The following ERCC2 variants were observed in gnomAD, a reference collection of about 807,000 sequenced individuals.
ERCC2 encodes general transcription and DNA repair factor IIH helicase subunit XPD.
A neutral mutation model predicts 99.4 loss-of-function variants in ERCC2; 90 were observed. The observed-to-expected ratio is 0.91, with a 90% CI of 0.76 to 1.08. The LOEUF is 1.08. Among genes scored for constraint, ERCC2 ranks in the 50% least tolerant of loss-of-function variants. ERCC2 has a pLI of 0.00. For synonymous variants in ERCC2, 497 were observed against 432.4 expected (o/e 1.15, Z -1.85); for missense variants, 993 against 1,038.1 (o/e 0.96, Z 0.60).
At chr19:45,370,108 CG>C (rs1568546751) in intron 2 of ERCC2, 24 bp downstream of exon 2, 2 of 1,610,268 alleles carry the variant, frequency 1.2e-6, no homozygotes, top group Admixed American at 1.7e-5. Context: ...GTCGAGTGGG[CG>C]GGTCGGGCCC....
Position 45,364,080 on chromosome 19 carries a change from G to A in ERCC2, c.855C>T (p.Tyr285=). 1 of 1,597,810 alleles carries A rather than the reference G, an allele frequency of 6.3e-7. No individual in the cohort carries two copies. Among genetic ancestry groups the A allele is most frequent in the East Asian group, 2.3e-5 (1 of 44,060 alleles). ...ETDEQRLRDE[Y]RRLVEGLREA... ...CCCGCAGCCCCTCCACCAGACGCCG[G>A]TACTCGTCCCGCAGGCGCTGCTCGT... The change falls in exon 10 of 23, where the codon TAC becomes TAT. Residue 285 remains tyrosine, a synonymous_variant. Transcript: ENST00000391945.
In ERCC2 at chr19:45,367,366, TATACACACACAC is replaced by T. The variant is rs1310344167; in HGVS notation, c.360+1252_360+1263del. On this transcript the variant is annotated intron_variant, in intron 5 of 22. Transcript: ENST00000391945. Reference sequence around the variant, plus strand: ...AAAACAAAACAAAAATATATATATATATACACACACACACACACACACACACACACACACATA... The same window carrying T: ...AAAACAAAACAAAAATATATATATATACACACACACACACACACACACATA... 2.6e-4 allele frequency among the ~76,000 whole-genome samples: 24 copies of T among 90,736 alleles called. No homozygotes were observed. In the East Asian group the frequency reaches 6.9e-3, roughly 26 times the overall value. The allele number at this position is 90,736 out of a possible 152,430, so 59.5% of individuals were successfully genotyped here.
rs1599744380 is a variant in ERCC2 at position 45,364,549 on chromosome 19, T to C, written c.595-2A>G. ...AACCACCACATTGGCATGCAGGATC[T>C]GGGGGGCCGGGGAGCAGGGTTACCA... On this transcript the variant is annotated splice_acceptor_variant, in intron 7 of 22. Transcript: ENST00000391945. LOFTEE classifies it high-confidence loss of function. 6.2e-7 allele frequency: 1 copy of C among 1,612,630 alleles called. No homozygotes were observed. The highest frequency in any genetic ancestry group is 8.5e-7 in the Non-Finnish European group (1 of 1,179,960).
Position 45,369,321 on chromosome 19 carries a change from T to C in ERCC2, c.106-174A>G, listed in dbSNP as rs530210210. ...TCACTTCTGCCTCCTCCTTGTTGAG[T>C]GGTCTTAGGCAAGTACCTTCACCTC... On this transcript the variant is annotated intron_variant, in intron 2 of 22. Coordinates refer to ENST00000391945, the MANE Select transcript of ERCC2 (RefSeq NM_000400.4). Among the ~76,000 whole-genome samples, 65 of 152,086 alleles carry C rather than the reference T, an allele frequency of 4.3e-4. 1 individual carries two copies. Among genetic ancestry groups the C allele is most frequent in the Non-Finnish European group, 7.4e-4 (50 of 68,024 alleles).
At chr19:45,353,500 A>T (rs1971901980) in intron 17 of ERCC2, among the ~76,000 whole-genome samples, 166 bp from the exon 18 acceptor site, 1 of 152,122 alleles carries the variant, frequency 6.6e-6, no homozygotes, top group Non-Finnish European at 1.5e-5. Context: ...CTTTGGGGAA[A>T]CAGTGATCTG....
At chr19:45,351,960 G>A (rs1226935728) in intron 22 of ERCC2, among the ~76,000 whole-genome samples, 3 of 152,210 alleles carry the variant, frequency 2.0e-5, no homozygotes, top group African/African-American at 4.8e-5. Context: ...CGTCTCTCCT[G>A]AAAACGCCCA....
intron 15 of ERCC2, among the ~76,000 whole-genome samples, 153 bp from the exon 16 acceptor site, chr19:45,355,881 C>G (rs1424483415): frequency 6.6e-6 from 1 of 150,708 alleles, no homozygotes; most frequent in Non-Finnish European, 1.5e-5. Flanking sequence ...TCTTGAACAC[C>G]TGGCCTCAAG....
At position 45,363,156 on chromosome 19, in the gene ERCC2, T is replaced by C. The variant is rs577698928; in HGVS notation, c.1118+587A>G. Among the ~76,000 whole-genome samples the C allele has an allele frequency of 4.6e-5, 7 of 152,290 alleles. No individual in the cohort carries two copies. The South Asian group carries it at 1.4e-3, about 32-fold the overall frequency. The stretch of plus-strand genomic sequence containing the variant: ...AAAGGAAAAGCCCCCTCGTATCCCT[T>C]GGTCATTCTCTGCCTGCCCTGTGCC... On this transcript the variant is annotated intron_variant, in intron 11 of 22. Coordinates refer to ENST00000391945, the MANE Select transcript of ERCC2 (RefSeq NM_000400.4).
At chr19:45,355,777 A>G in intron 15 of ERCC2, 49 bp from the exon 16 acceptor site, 1 of 1,453,616 alleles carries the variant, frequency 6.9e-7, no homozygotes, top group Non-Finnish European at 9.7e-7. Context: ...CAACTGCTCC[A>G]GCGTGAGTGC....
chr19:45,367,341 A>G (rs551666859), intron 5 of ERCC2, among the ~76,000 whole-genome samples: 1 of 136,152 alleles, frequency 7.3e-6, no homozygotes, highest in Non-Finnish European at 1.5e-5. Context: ...TCTCAAAAAC[A>G]AAACAAAACA....
rs375029521 is a variant in ERCC2, at chr19:45,350,342, C to T, written c.*1287G>A. 3.8e-5 allele frequency: 61 copies of T among 1,613,206 alleles called. No individual in the cohort carries two copies. The African/African-American group carries it at 7.8e-4, about 21-fold the overall frequency. ...TCCCAGACACTCCCTTCTCCGCAGG[C>T]CTCAGCCTACCTGAAACAGAACAAG... On this transcript the variant is annotated 3_prime_UTR_variant, in exon 23 of 23. Transcript: ENST00000391945.
At position 45,350,959 on chromosome 19, in the gene ERCC2, A is replaced by G; in HGVS notation, c.*670T>C. 1 of 1,614,106 alleles carries G rather than the reference A, an allele frequency of 6.2e-7. No homozygotes were observed. The highest frequency in any genetic ancestry group is 1.3e-5 in the African/African-American group (1 of 75,022). Reference sequence around the variant, plus strand: ...CCCTGCTGCCCTCTTTGCAGAATGAAGAGAGCCATGTCACTCAACACACTG... The same window carrying G: ...CCCTGCTGCCCTCTTTGCAGAATGAGGAGAGCCATGTCACTCAACACACTG... On this transcript the variant is annotated 3_prime_UTR_variant, in exon 23 of 23. Coordinates refer to ENST00000391945, the MANE Select transcript of ERCC2 (RefSeq NM_000400.4).
chr19:45,361,374 T>C (rs1459325230), intron 12 of ERCC2, 150 bp downstream of exon 12: 11 of 720,584 alleles, frequency 1.5e-5, no homozygotes, highest in Admixed American at 1.1e-4. Flanking sequence ...GAACTATGTA[T>C]GGCTCCCCAC....
At chr19:45,357,812 G>A (rs1972065991) in intron 12 of ERCC2, 113 bp from the exon 13 acceptor site, 2 of 965,724 alleles carry the variant, frequency 2.1e-6, no homozygotes, top group Non-Finnish European at 3.2e-6. Flanking sequence ...ACCCCGTACT[G>A]CCTGGGAGTA....
chr19:45,357,610 C>T lies in ERCC2; in HGVS notation c.1307+20G>A. ...CCCCGACCCACAGAGCATTCACACC[C>T]TCACCGGGCAGGGTCCCACCTGAAG... On this transcript the variant is annotated intron_variant, in intron 13 of 22. Transcript: ENST00000391945. 1 of 1,614,120 alleles carries T rather than the reference C, an allele frequency of 6.2e-7. No homozygotes were observed. Among genetic ancestry groups the T allele is most frequent in the South Asian group, 1.1e-5 (1 of 91,090 alleles).
In ERCC2 at chr19:45,351,413, C is replaced by T. The variant is rs534559459; in HGVS notation, c.*216G>A. ...TTGGGAACAGTGCAGGAGGGATGGGCTGGTGGGGTGAGAGGGGGTCTATCA... is the reference window on the plus strand; with the variant it reads ...TTGGGAACAGTGCAGGAGGGATGGGTTGGTGGGGTGAGAGGGGGTCTATCA... On this transcript the variant is annotated 3_prime_UTR_variant, in exon 23 of 23. Transcript: ENST00000391945. The T allele has an allele frequency of 5.0e-4, 802 of 1,597,522 alleles. 2 individuals are homozygous for T. In the African/African-American group the frequency reaches 5.5e-3, roughly 11 times the overall value.
At position 45,363,989 on chromosome 19, in the gene ERCC2, G is replaced by C. The variant is rs757790912; in HGVS notation, c.946C>G (p.Gln316Glu). The C allele has an allele frequency of 8.6e-5, 133 of 1,541,226 alleles. No homozygotes were observed. The Middle Eastern group carries it at 8.7e-4, about 10-fold the overall frequency. ...GCAGCGGGGGGTCGGGGCTCACCCT[G>C]CAGCACTTCGTCGGGCAGCACGGGG... Reference protein sequence around the residue: ...ANPVLPDEVLQEAVPGSIRTA... With the variant: ...ANPVLPDEVLEEAVPGSIRTA... The change falls in exon 10 of 23, where the codon CAG becomes GAG. Residue 316 changes from glutamine (Q) to glutamate (E), a missense_variant. Transcript: ENST00000391945.
rs55807028 is a variant in ERCC2 at position 45,351,803 on chromosome 19, C to A, written c.2191-82G>T. 21 of 1,208,692 alleles carry A rather than the reference C, an allele frequency of 1.7e-5. No individual in the cohort carries two copies. The South Asian group carries it at 2.2e-4, about 13-fold the overall frequency. The allele number at this position is 1,208,692 out of a possible 1,614,324, so 74.9% of individuals were successfully genotyped here. A position where few individuals can be genotyped will look rare whatever the true frequency, so the allele number is the denominator to read the frequency against. On this transcript the variant is annotated intron_variant, in intron 22 of 22. Transcript: ENST00000391945. The stretch of plus-strand genomic sequence containing the variant: ...CTGCTGCACTTCCCCAACCACCCCC[C>A]CGAATGGCCAGTAGGGACAGGATGT...
rs1282329840 is a variant in ERCC2 at position 45,351,555 on chromosome 19, C to T, written c.*74G>A. On this transcript the variant is annotated 3_prime_UTR_variant, in exon 23 of 23. Transcript: ENST00000391945. ...CTGACTTCATAAGACCTTCTAGCACCACCGCCGCTGGGAACCAGGGCCAGG... is the reference window on the plus strand; with the variant it reads ...CTGACTTCATAAGACCTTCTAGCACTACCGCCGCTGGGAACCAGGGCCAGG... 10 of 1,608,046 alleles carry T rather than the reference C, an allele frequency of 6.2e-6. No individual in the cohort carries two copies. Among genetic ancestry groups the T allele is most frequent in the Non-Finnish European group, 8.5e-6 (10 of 1,179,662 alleles).
Sources: allele counts gnomAD v4.1 joint callset (sites outside exome capture counted in the v4.1 genomes callset), GRCh38; gene constraint gnomAD v4.1.1; transcripts MANE v1.5; gene names NCBI Gene and HGNC (gene_info 2026-07-23, HGNC 2026-07-21).